FBXW4: variants seen among roughly 807,000 people sequenced by gnomAD.
FBXW4 encodes the protein F-box and WD repeat domain containing 4.
FBXW4 carries 40 observed loss-of-function variants against 61.8 expected under a neutral mutation model. That is an observed-to-expected ratio of 0.65 (90% CI 0.50 to 0.84). FBXW4 has a LOEUF of 0.84. Among genes scored for constraint, FBXW4 ranks in the 40% least tolerant of loss-of-function variants. The probability of loss-of-function intolerance (pLI) is 0.00; values close to 1 mark genes in which losing one functional copy is unlikely to be tolerated. For synonymous variants in FBXW4, 311 were observed against 313.8 expected, an observed-to-expected ratio of 0.99 and a Z score of 0.10; for missense variants, 672 against 753.8, an observed-to-expected ratio of 0.89 and a Z score of 1.27.
chr10:101,656,401 G>A (rs1025757564), intron 5 of FBXW4, among the ~76,000 whole-genome samples: 15 of 152,216 alleles, frequency 9.9e-5, no homozygotes, highest in Non-Finnish European at 2.1e-4. Flanking sequence ...AAAAAGGCCT[G>A]GTGGCCTCAC....
chr10:101,617,556 CCT>C (rs1246486711), intron 6 of FBXW4, among the ~76,000 whole-genome samples: 1 of 152,216 alleles, frequency 6.6e-6, no homozygotes, highest in Non-Finnish European at 1.5e-5. Context: ...AAGCATACAG[CCT>C]CTCACATGCA....
chr10:101,660,272 C>A (rs1302611332), intron 5 of FBXW4: 39 of 967,190 alleles, frequency 4.0e-5, no homozygotes, highest in Non-Finnish European at 4.4e-5. Flanking sequence ...CCGACTGCAA[C>A]ACAGATTAGG....
intron 5 of FBXW4, among the ~76,000 whole-genome samples, chr10:101,643,494 G>A (rs538044417): frequency 1.3e-5 from 2 of 152,368 alleles, no homozygotes; most frequent in South Asian, 2.1e-4. Context: ...TTCGGTAAGA[G>A]GGCACCCAGG....
chr10:101,621,560 G>A (rs994977245), intron 6 of FBXW4, among the ~76,000 whole-genome samples: 1 of 152,076 alleles, frequency 6.6e-6, no homozygotes, highest in Non-Finnish European at 1.5e-5. Flanking sequence ...CAAACTCCGA[G>A]GTACTAGTTT....
rs2064646409 is a variant in FBXW4, at chr10:101,694,295, G to T, written c.725+86C>A. On this transcript the variant is annotated intron_variant, in intron 1 of 8. Transcript: ENST00000331272. The surrounding 1 kb of genome is among the most constrained non-coding windows in gnomAD (Gnocchi z 6.0). ...GAAACTCGGGGTGCGACACGACCCT[G>T]GGCCGACCAGGCCGCGGCGCCCCGC... 5 of 1,269,646 alleles carry T rather than the reference G, an allele frequency of 3.9e-6. No homozygotes were observed. The South Asian group carries it at 8.1e-5, about 21-fold the overall frequency. The allele number at this position is 1,269,646 out of a possible 1,614,324, so 78.6% of individuals were successfully genotyped here. A position where few individuals can be genotyped will look rare whatever the true frequency, so the allele number is the denominator to read the frequency against.
intron 4 of FBXW4, among the ~76,000 whole-genome samples, chr10:101,671,234 AAAG>A (rs2064356014): frequency 1.3e-5 from 2 of 152,224 alleles, no homozygotes; most frequent in Non-Finnish European, 2.9e-5. Flanking sequence ...GAAAGCCAGG[AAAG>A]AAGAGTTGGC....
chr10:101,622,241 C>T (rs1048109220), intron 6 of FBXW4, among the ~76,000 whole-genome samples: 1 of 151,594 alleles, frequency 6.6e-6, no homozygotes, highest in Non-Finnish European at 1.5e-5. Context: ...ACTGAGGAAG[C>T]AGGTGAGAAG....
At chr10:101,676,894 G>A (rs12358746) in intron 1 of FBXW4, among the ~76,000 whole-genome samples, 209 of 152,098 alleles carry the variant, frequency 1.4e-3, no homozygotes, top group Non-Finnish European at 2.6e-3. Context: ...GACACAGAAA[G>A]CAATAACAGA....
chr10:101,694,779 C>T lies in FBXW4; in HGVS notation c.327G>A (p.Gly109=). 1 of 1,345,554 alleles carries T rather than the reference C, an allele frequency of 7.4e-7. No homozygotes were observed. 83.4% of individuals were successfully genotyped at this position (1,345,554 alleles called of 1,614,324 possible). Residue 109 remains glycine (G), a synonymous_variant, in exon 1 of 9, where the codon GGG becomes GGA. Coordinates refer to ENST00000331272, the MANE Select transcript of FBXW4 (RefSeq NM_022039.4). The surrounding 1 kb of genome is among the most constrained non-coding windows in gnomAD (Gnocchi z 6.0). ...VKGVEGSAGA[G]KEAQGREYGK... ...CATACTCTCTTCCTTGTGCCTCCTT[C>T]CCGGCCCCTGCGCTCCCCTCGACTC...
chr10:101,693,594 T>C (rs2134930143), intron 1 of FBXW4, among the ~76,000 whole-genome samples: 1 of 152,366 alleles, frequency 6.6e-6, no homozygotes, highest in African/African-American at 2.4e-5. Flanking sequence ...TGTCATAATG[T>C]ACTAGAAAGA....
At chr10:101,659,286 A>G (rs1182045449) in intron 5 of FBXW4, 2 of 668,242 alleles carry the variant, frequency 3.0e-6, no homozygotes, top group African/African-American at 3.9e-5. Context: ...CTGGCATAGA[A>G]GGGCAAAACA....
chr10:101,672,323 G>A (rs1003296712), intron 4 of FBXW4, among the ~76,000 whole-genome samples: 2 of 152,190 alleles, frequency 1.3e-5, no homozygotes, highest in African/African-American at 2.4e-5. Context: ...ATGTGGATGA[G>A]TCCATGAAGC....
intron 5 of FBXW4, among the ~76,000 whole-genome samples, chr10:101,635,333 C>A (rs529802634): frequency 7.9e-5 from 12 of 151,528 alleles, no homozygotes; most frequent in African/African-American, 2.9e-4. Flanking sequence ...ATAATTATTT[C>A]ATTATATATT....
chr10:101,646,827 T>A (rs1337638099), intron 5 of FBXW4, among the ~76,000 whole-genome samples: 1 of 152,230 alleles, frequency 6.6e-6, no homozygotes, highest in African/African-American at 2.4e-5. Flanking sequence ...ATCCAATTAA[T>A]TTCAAACCCA....
rs2064645921 is a variant in FBXW4, at chr10:101,694,276, C to T, written c.725+105G>A. The T allele has an allele frequency of 9.0e-7, 1 of 1,114,246 alleles. No individual in the cohort carries two copies. Among genetic ancestry groups the T allele is most frequent in the African/African-American group, 1.6e-5 (1 of 60,942 alleles). The allele number at this position is 1,114,246 out of a possible 1,614,324, so 69.0% of individuals were successfully genotyped here. On this transcript the variant is annotated intron_variant, in intron 1 of 8. Transcript: ENST00000331272. This position sits in a 1 kb window ranked among gnomAD's most constrained non-coding sequence, Gnocchi z 6.0. ...GAGGTCAGGTGTAGGCCTAGAAACT[C>T]GGGGTGCGACACGACCCTGGGCCGA...
At chr10:101,659,155 T>C (rs915794444) in intron 5 of FBXW4, among the ~76,000 whole-genome samples, 5 of 152,150 alleles carry the variant, frequency 3.3e-5, no homozygotes, top group Non-Finnish European at 5.9e-5. Flanking sequence ...AGGAGGGGCC[T>C]GGACACCAGC....
intron 1 of FBXW4, among the ~76,000 whole-genome samples, chr10:101,683,452 C>A (rs910648030): frequency 2.0e-5 from 3 of 152,144 alleles, no homozygotes; most frequent in African/African-American, 7.2e-5. Context: ...GGGCATATGA[C>A]CTATTTTAAA....
chr10:101,688,221 C>G (rs989450334), intron 1 of FBXW4, among the ~76,000 whole-genome samples: 14 of 152,198 alleles, frequency 9.2e-5, no homozygotes, highest in Admixed American at 5.2e-4. Flanking sequence ...TTTGAAAGAG[C>G]CTGGCAGTCT....
chr10:101,684,164 C>A (rs2064507890), intron 1 of FBXW4, among the ~76,000 whole-genome samples: 1 of 152,174 alleles, frequency 6.6e-6, no homozygotes, highest in South Asian at 2.1e-4. Context: ...TGCTCTGTTG[C>A]CCAGGCTGGA....
Sources: gnomAD v4.1 joint callset for allele counts (sites outside exome capture counted in the v4.1 genomes callset) on GRCh38, gnomAD v4.1.1 for gene constraint, Gnocchi (gnomAD v3.1) non-coding constraint, MANE v1.5 for transcripts, NCBI Gene and HGNC (gene_info 2026-07-23, HGNC 2026-07-21) for gene names.